Variants in PTPRD observed in about 807,000 individuals in gnomAD.
PTPRD encodes protein tyrosine phosphatase receptor type D, also known as receptor-type tyrosine-protein phosphatase delta.
PTPRD carries 34 observed loss-of-function variants against 214.5 expected under a neutral mutation model. The ratio of observed to expected loss-of-function variants is 0.16; its 90% confidence interval spans 0.12 to 0.21. The LOEUF (loss-of-function observed/expected upper bound fraction) is 0.21, where lower values mean the gene tolerates loss of function less well. PTPRD is among the 10% of genes least tolerant of loss of function. The pLI is 1.00. For synonymous variants in PTPRD, 1,128 were observed against 845.7 expected, an observed-to-expected ratio of 1.33 and a Z score of -5.79; for missense variants, 2,545 against 2,398.7, an observed-to-expected ratio of 1.06 and a Z score of -1.27.
At chr9:8,858,796 A>AAC (rs71317379) in intron 11 of PTPRD, among the ~76,000 whole-genome samples, 22,781 of 141,564 alleles carry the variant, frequency 0.16, 1,796 homozygotes, top group Admixed American at 0.21. Context: ...TGAAGGAGGC[A>AAC]ACACACACAC....
chr9:8,829,831 C>G (rs2097253297), intron 11 of PTPRD, among the ~76,000 whole-genome samples: 1 of 152,146 alleles, frequency 6.6e-6, no homozygotes, highest in African/African-American at 2.4e-5. Flanking sequence ...CTGACCTTCA[C>G]TTTTATAATC....
intron 14 of PTPRD, among the ~76,000 whole-genome samples, chr9:8,564,417 G>A (rs2087976694): frequency 6.6e-6 from 1 of 152,068 alleles, no homozygotes; most frequent in Non-Finnish European, 1.5e-5. Context: ...TTGATATTCA[G>A]GCCGGGCACG....
At chr9:9,482,625 G>A (rs1057251052) in intron 8 of PTPRD, among the ~76,000 whole-genome samples, 4 of 152,134 alleles carry the variant, frequency 2.6e-5, no homozygotes, top group Admixed American at 1.3e-4. Flanking sequence ...GGTATTTACT[G>A]CCATTCTCTT....
chr9:8,328,367 G>T (rs1017761977), intron 44 of PTPRD, among the ~76,000 whole-genome samples: 2 of 152,098 alleles, frequency 1.3e-5, no homozygotes, highest in Non-Finnish European at 2.9e-5. Flanking sequence ...TGGCTTGTAG[G>T]GTTGCTGTCG....
At chr9:9,600,104 A>C (rs1377634563) in intron 7 of PTPRD, among the ~76,000 whole-genome samples, 2 of 152,068 alleles carry the variant, frequency 1.3e-5, no homozygotes, top group African/African-American at 4.8e-5. Context: ...TATGTTGTTT[A>C]TGTGTGCGGT....
intron 5 of PTPRD, among the ~76,000 whole-genome samples, chr9:9,887,059 T>G (rs2071220261): frequency 6.6e-6 from 1 of 152,070 alleles, no homozygotes; most frequent in Admixed American, 6.6e-5. Context: ...GAAATTTGTT[T>G]TGCAACAATA....
chr9:8,666,474 C>T (rs950772729), intron 12 of PTPRD, among the ~76,000 whole-genome samples: 4 of 152,140 alleles, frequency 2.6e-5, no homozygotes, highest in African/African-American at 4.8e-5. Flanking sequence ...GAATGGAATT[C>T]GTATGGCTTC....
intron 2 of PTPRD, among the ~76,000 whole-genome samples, chr9:10,448,743 G>C (rs2098816460): frequency 6.6e-6 from 1 of 151,978 alleles, no homozygotes; most frequent in African/African-American, 2.4e-5. Context: ...AAAGTGGAAA[G>C]AGTCTTTATC....
chr9:8,418,218 C>CTT (rs2094091394), intron 35 of PTPRD, among the ~76,000 whole-genome samples: 2 of 148,466 alleles, frequency 1.3e-5, no homozygotes, highest in East Asian at 2.0e-4. Context: ...ACTTTCTTAT[C>CTT]CTTTTCTTTT....
At chr9:8,650,147 G>C (rs977753011) in intron 12 of PTPRD, among the ~76,000 whole-genome samples, 1 of 152,020 alleles carries the variant, frequency 6.6e-6, no homozygotes, top group South Asian at 2.1e-4. Context: ...CAAATTCCTG[G>C]GCTCAAGTGA....
chr9:9,575,757 AAAAGAAAAAAAGAAAAAG>A (rs2088433151), intron 7 of PTPRD, among the ~76,000 whole-genome samples: 2 of 131,802 alleles, frequency 1.5e-5, no homozygotes, highest in East Asian at 2.0e-4. Context: ...GAAAGAAAGA[AAAAGAAAAAAAGAAAAAG>A]AAAGAAAAAG....
At chr9:9,470,630 G>T (rs1463723475) in intron 8 of PTPRD, among the ~76,000 whole-genome samples, 15 of 152,152 alleles carry the variant, frequency 9.9e-5, no homozygotes, top group Admixed American at 9.8e-4. Context: ...GCTCCATTTT[G>T]ATTGGACTGA....
intron 5 of PTPRD, among the ~76,000 whole-genome samples, chr9:9,908,391 C>G (rs1201708141): frequency 6.6e-6 from 1 of 151,956 alleles, no homozygotes; most frequent in African/African-American, 2.4e-5. Context: ...GGGGTCTCTC[C>G]AGCCTGTCTG....
intron 14 of PTPRD, among the ~76,000 whole-genome samples, chr9:8,542,359 C>T (rs774949847): frequency 1.1e-4 from 17 of 151,996 alleles, no homozygotes; most frequent in South Asian, 6.2e-4. Context: ...AGGATAGTAC[C>T]GAGATAGCCC....
rs533008425 is a variant in PTPRD at position 9,550,079 on chromosome 9, T to C, written c.-237+24653A>G. Reference sequence around the variant, plus strand: ...TAAAATGTGATTAACATTTAAATGATACCTTGAATAAAGCAGATTACCCCC... The same window carrying C: ...TAAAATGTGATTAACATTTAAATGACACCTTGAATAAAGCAGATTACCCCC... On this transcript the variant is annotated intron_variant, in intron 8 of 45. Transcript: ENST00000381196. Among the ~76,000 whole-genome samples the C allele has an allele frequency of 2.0e-5, 3 of 152,172 alleles. No individual in the cohort carries two copies. In the East Asian group the frequency reaches 5.8e-4, roughly 29 times the overall value.
intron 11 of PTPRD, among the ~76,000 whole-genome samples, chr9:8,807,824 G>A (rs1346904693): frequency 6.6e-6 from 1 of 152,030 alleles, no homozygotes; most frequent in Non-Finnish European, 1.5e-5. Context: ...ACTTAGAGAT[G>A]AACCTTTAAT....
At chr9:9,831,412 A>G (rs963852308) in intron 5 of PTPRD, among the ~76,000 whole-genome samples, 1 of 151,994 alleles carries the variant, frequency 6.6e-6, no homozygotes, top group African/African-American at 2.4e-5. Context: ...TTTTTAGATG[A>G]GAGAGTATGA....
chr9:9,441,364 G>C (rs1420287257), intron 8 of PTPRD, among the ~76,000 whole-genome samples: 1 of 152,124 alleles, frequency 6.6e-6, no homozygotes, highest in Non-Finnish European at 1.5e-5. Flanking sequence ...GAAGAAGACA[G>C]GTAAAAAGGT....
intron 12 of PTPRD, among the ~76,000 whole-genome samples, chr9:8,676,061 T>C (rs1221534351): frequency 3.3e-5 from 5 of 152,194 alleles, no homozygotes; most frequent in African/African-American, 7.2e-5. Flanking sequence ...TACAAACCTA[T>C]ACAATAACCA....
Sources: gnomAD v4.1 joint callset for allele counts (sites outside exome capture counted in the v4.1 genomes callset) on GRCh38, gnomAD v4.1.1 for gene constraint, MANE v1.5 for transcripts, NCBI Gene and HGNC (gene_info 2026-07-23, HGNC 2026-07-21) for gene names.